The following POTEI variants were observed in gnomAD, a reference collection of about 807,000 sequenced individuals.
POTEI encodes the protein POTE ankyrin domain family member I.
POTEI carries 14 observed loss-of-function variants against 43.4 expected under a neutral mutation model. That is an observed-to-expected ratio of 0.32 (90% CI 0.21 to 0.50). POTEI has a LOEUF of 0.50. POTEI is among the 20% of genes least tolerant of loss of function. POTEI has a pLI of 0.98. For missense variants in POTEI, 235 were observed against 795.4 expected (o/e 0.30, Z 8.47); for synonymous variants, 95 against 297.9 (o/e 0.32, Z 7.01).
At chr2:130,507,446 A>C in intron 1 of POTEI, among the ~76,000 whole-genome samples, 1 of 105,584 alleles carries the variant, frequency 9.5e-6, no homozygotes, top group African/African-American at 3.9e-5. Flanking sequence ...GTATATAAAT[A>C]GGCATTTATA....
In POTEI at chr2:130,462,819, GA is replaced by G. The variant is rs1682688395; in HGVS notation, c.3224del (p.Phe1075SerfsTer7). The G allele has an allele frequency of 7.8e-5, 36 of 464,236 alleles. No individual in the cohort carries two copies. Among genetic ancestry groups the G allele is most frequent in the South Asian group, 7.6e-4 (35 of 46,290 alleles). The allele number at this position is 464,236 out of a possible 1,614,324, so 28.8% of individuals were successfully genotyped here. ...SGPSIVHRKCF is the reference protein window; with the variant it reads ...SGPSIVHRKCX ...ACGCAACTAAGTCAGAGTCCACCTA[GA>G]AGCATTTGCGGTGGACAATGGAGGG... On this transcript the variant is annotated frameshift_variant, in exon 15 of 15. Transcript: ENST00000451531. LOFTEE classifies it high-confidence loss of function.
rs1207663232 is a variant in POTEI at position 130,460,334 on chromosome 2, A to G, written c.*2482T>C. 3 of 152,002 alleles carry G rather than the reference A, an allele frequency of 2.0e-5. No individual in the cohort carries two copies. The highest frequency in any genetic ancestry group is 7.3e-5 in the African/African-American group (3 of 41,314). The allele number at this position is 152,002 out of a possible 1,614,324, so 9.4% of individuals were successfully genotyped here. ...AGCACAGCACAGCCGCTCTACACAA[A>G]CGTGGCTAGACTTCTTTTATTAAGC... On this transcript the variant is annotated 3_prime_UTR_variant, in exon 15 of 15. Transcript: ENST00000451531.
At chr2:130,484,230 T>C (rs2105090242) in intron 9 of POTEI, among the ~76,000 whole-genome samples, 2 of 150,578 alleles carry the variant, frequency 1.3e-5, no homozygotes, top group South Asian at 4.3e-4. Flanking sequence ...AAACCTTTTA[T>C]TTGTATATCA....
chr2:130,464,579 C>T (rs1050044138), intron 14 of POTEI, among the ~76,000 whole-genome samples: 1 of 150,462 alleles, frequency 6.6e-6, no homozygotes, highest in Non-Finnish European at 1.5e-5. Flanking sequence ...ATCCTAAGAG[C>T]CTTAGCTATG....
At position 130,477,117 on chromosome 2, in the gene POTEI, C is replaced by T. The variant is rs2336775; in HGVS notation, c.1481-416G>A. Among the ~76,000 whole-genome samples the T allele has an allele frequency of 9.9e-5, 15 of 151,202 alleles. 1 individual carries two copies. The highest frequency in any genetic ancestry group is 3.9e-4 in the East Asian group (2 of 5,162). On this transcript the variant is annotated intron_variant, in intron 10 of 14. Coordinates refer to ENST00000451531, the MANE Select transcript of POTEI (RefSeq NM_001277406.2). ...GTCTTCCTAATATCTAAAATGTTTC[C>T]CTCCACTATTCTGACAAATTTATTT...
intron 10 of POTEI, among the ~76,000 whole-genome samples, chr2:130,477,723 A>C (rs993341733): frequency 7.3e-6 from 1 of 137,222 alleles, no homozygotes; most frequent in East Asian, 2.5e-4. Flanking sequence ...ATTAGGGTTT[A>C]AAAAGAATTA....
At chr2:130,466,532 AAT>A (rs1345355447) in intron 13 of POTEI, among the ~76,000 whole-genome samples, 3 of 120,910 alleles carry the variant, frequency 2.5e-5, no homozygotes, top group Admixed American at 2.4e-4. Flanking sequence ...GACAGGGTAT[AAT>A]ATGTTTTTAA....
chr2:130,499,752 TCTC>T (rs1485490453), intron 4 of POTEI, among the ~76,000 whole-genome samples: 3 of 62,148 alleles, frequency 4.8e-5, no homozygotes, highest in African/African-American at 1.3e-4. Flanking sequence ...AAGGATATAT[TCTC>T]CTACTTTTCA....
intron 6 of POTEI, among the ~76,000 whole-genome samples, chr2:130,492,892 G>T (rs554451787): frequency 6.6e-6 from 1 of 151,562 alleles, no homozygotes; most frequent in East Asian, 1.9e-4. Flanking sequence ...GCAATCTTTA[G>T]ATTTCTATCT....
At chr2:130,501,782 A>T (rs1304343731) in intron 3 of POTEI, among the ~76,000 whole-genome samples, 40 of 4,384 alleles carry the variant, frequency 9.1e-3, no homozygotes, top group African/African-American at 0.011. Context: ...TAAAATAAAA[A>T]AAACTGAGGT....
chr2:130,473,547 A>T (rs4850153), intron 13 of POTEI, among the ~76,000 whole-genome samples: 5,196 of 22,628 alleles, frequency 0.23, 40 homozygotes, highest in African/African-American at 0.25. Flanking sequence ...CTCATTTTTT[A>T]AAAATGGTTG....
Position 130,461,097 on chromosome 2 carries a change from C to G in POTEI, c.*1719G>C. 1 of 143,304 alleles carries G rather than the reference C, an allele frequency of 7.0e-6. No homozygotes were observed. Among genetic ancestry groups the G allele is most frequent in the Non-Finnish European group, 1.6e-5 (1 of 63,224 alleles). 8.9% of individuals were successfully genotyped at this position (143,304 alleles called of 1,614,324 possible). On this transcript the variant is annotated 3_prime_UTR_variant, in exon 15 of 15. Transcript: ENST00000451531. ...ACTGAGGTACGAACCTGTTGCCAAT[C>G]TGAACACACCTATAAGATGTGGCTG...
intron 6 of POTEI, among the ~76,000 whole-genome samples, chr2:130,495,308 A>G (rs7605121): frequency 0.2 from 9,406 of 46,746 alleles, 4,025 homozygotes; most frequent in African/African-American, 0.42. Flanking sequence ...ATGATAAGAA[A>G]AAGCTCCTGT....
At chr2:130,475,186 AT>A in intron 11 of POTEI, among the ~76,000 whole-genome samples, 1 of 87,896 alleles carries the variant, frequency 1.1e-5, no homozygotes, top group South Asian at 4.5e-4. Context: ...GTGAAAAATA[AT>A]TCACCTTAGA....
At chr2:130,483,599 G>GTTTTCT (rs1553469021) in intron 9 of POTEI, among the ~76,000 whole-genome samples, 1 of 29,188 alleles carries the variant, frequency 3.4e-5, no homozygotes, top group Non-Finnish European at 6.3e-5. Context: ...TGTCAAACTT[G>GTTTTCT]TTTTTTTTTT....
In POTEI at chr2:130,460,056, T is replaced by C. The variant is rs1239304065; in HGVS notation, c.*2760A>G. On this transcript the variant is annotated 3_prime_UTR_variant, in exon 15 of 15. Coordinates refer to ENST00000451531, the MANE Select transcript of POTEI (RefSeq NM_001277406.2). ...AAAGGGCTGCCGTATGGAGAGGCAA[T>C]GTGCAGGCTGGTGCGTGGCTCTAGG... 4 of 150,170 alleles carry C rather than the reference T, an allele frequency of 2.7e-5. No homozygotes were observed. The highest frequency in any genetic ancestry group is 5.9e-5 in the Non-Finnish European group (4 of 68,012). 9.3% of individuals were successfully genotyped at this position (150,170 alleles called of 1,614,324 possible). A position where few individuals can be genotyped will look rare whatever the true frequency, so the allele number is the denominator to read the frequency against.
rs765205281 is a variant in POTEI, at chr2:130,508,887, C to T, written c.349G>A (p.Val117Met). The T allele has an allele frequency of 2.5e-6, 4 of 1,589,012 alleles. 1 individual carries two copies. Among genetic ancestry groups the T allele is most frequent in the South Asian group, 2.3e-5 (2 of 88,602 alleles). Reference protein sequence around the residue: ...PCCRGSGKSNVGAWGDYDDSA... With the variant: ...PCCRGSGKSNMGAWGDYDDSA... ...TCGTCGTAGTCTCCCCAAGCACCCA[C>T]GTTGCTCTTGCCGCTCCCCCTGCAG... is the stretch of plus-strand genomic sequence containing the variant. The change falls in exon 1 of 15, where the codon GTG becomes ATG. Residue 117 changes from valine (V) to methionine (M), a missense_variant. Coordinates refer to ENST00000451531, the MANE Select transcript of POTEI (RefSeq NM_001277406.2).
In POTEI at chr2:130,508,786, A is replaced by C; in HGVS notation, c.450T>G (p.Gly150=). Residue 150 remains glycine, a synonymous_variant, in exon 1 of 15, where the codon GGT becomes GGG. Coordinates refer to ENST00000451531, the MANE Select transcript of POTEI (RefSeq NM_001277406.2). The part of the protein sequence containing the change: ...LDKLHRAAWW[G]KVARKDLIVM... ...CGATCAGATCCTTTCTGGCGACTTT[A>C]CCCCACCAGGCAGCTCTGTGGAGCT... 1 of 1,473,446 alleles carries C rather than the reference A, an allele frequency of 6.8e-7. No homozygotes were observed. Among genetic ancestry groups the C allele is most frequent in the African/African-American group, 2.0e-5 (1 of 50,918 alleles). The allele number at this position is 1,473,446 out of a possible 1,614,324, so 91.3% of individuals were successfully genotyped here. A position where few individuals can be genotyped will look rare whatever the true frequency, so the allele number is the denominator to read the frequency against.
intron 13 of POTEI, among the ~76,000 whole-genome samples, chr2:130,468,705 G>GC (rs1415712876): frequency 1.2e-4 from 6 of 50,298 alleles, no homozygotes; most frequent in African/African-American, 4.4e-4. Context: ...CAAACTATTG[G>GC]GGGGGGGGGT....
Sources: allele counts gnomAD v4.1 joint callset (sites outside exome capture counted in the v4.1 genomes callset), GRCh38; gene constraint gnomAD v4.1.1; transcripts MANE v1.5; gene names NCBI Gene and HGNC (gene_info 2026-07-23, HGNC 2026-07-21).